Variants in ARHGEF38 observed in about 807,000 individuals in gnomAD.
ARHGEF38 encodes Rho guanine nucleotide exchange factor 38.
In ARHGEF38, 79 loss-of-function variants were observed where a neutral mutation model predicts 79.9. That is an observed-to-expected ratio of 0.99 (90% confidence interval 0.82 to 1.19). ARHGEF38 has a LOEUF of 1.19. Ranked by LOEUF, ARHGEF38 falls within the 50% of genes most tolerant of loss-of-function variation. The pLI, the probability that ARHGEF38 is intolerant of heterozygous loss-of-function variation, is 0.00. For missense variants in ARHGEF38, 962 were observed against 907.2 expected (o/e 1.06, Z -0.78); for synonymous variants, 366 against 328.3 (o/e 1.11, Z -1.24).
At chr4:105,622,613 C>T (rs1281056275) in intron 3 of ARHGEF38, among the ~76,000 whole-genome samples, 1 of 152,156 alleles carries the variant, frequency 6.6e-6, no homozygotes, top group Non-Finnish European at 1.5e-5. Flanking sequence ...TTTCTCACGT[C>T]ACAAGAAATC....
chr4:105,609,737 T>A (rs878911505), intron 2 of ARHGEF38, among the ~76,000 whole-genome samples: 3 of 152,106 alleles, frequency 2.0e-5, no homozygotes, highest in Non-Finnish European at 4.4e-5. Context: ...GGGAACTGGC[T>A]ATTTGAAGTA....
chr4:105,592,710 C>A (rs1005196389), intron 2 of ARHGEF38, among the ~76,000 whole-genome samples: 3 of 152,160 alleles, frequency 2.0e-5, no homozygotes, highest in Non-Finnish European at 4.4e-5. Flanking sequence ...CTCTCACATT[C>A]TTTTCCTCAC....
intron 8 of ARHGEF38, 65 bp from the exon 9 acceptor site, chr4:105,655,538 T>C: frequency 6.7e-7 from 1 of 1,487,374 alleles, no homozygotes; most frequent in Non-Finnish European, 8.9e-7. Flanking sequence ...AGTCCACATT[T>C]GGGATATGTT....
chr4:105,668,696 A>AGAT (rs1228291510), intron 13 of ARHGEF38, among the ~76,000 whole-genome samples: 2 of 151,306 alleles, frequency 1.3e-5, no homozygotes, highest in Non-Finnish European at 2.9e-5. Flanking sequence ...ATAGATAGAT[A>AGAT]GATAGATAGA....
intron 3 of ARHGEF38, among the ~76,000 whole-genome samples, chr4:105,629,699 G>A (rs1450207948): frequency 6.6e-6 from 1 of 151,862 alleles, no homozygotes; most frequent in Non-Finnish European, 1.5e-5. Flanking sequence ...TTATCTTTAA[G>A]TAATGAAGTG....
chr4:105,661,245 G>C (rs552317243), intron 10 of ARHGEF38, among the ~76,000 whole-genome samples: 1 of 152,132 alleles, frequency 6.6e-6, no homozygotes, highest in East Asian at 1.9e-4. Flanking sequence ...GGGCATTTGG[G>C]TTATTTCCAT....
At chr4:105,598,665 T>G (rs542671501) in intron 2 of ARHGEF38, among the ~76,000 whole-genome samples, 4 of 152,052 alleles carry the variant, frequency 2.6e-5, no homozygotes, top group African/African-American at 9.7e-5. Flanking sequence ...ATGACCAGGT[T>G]AGAACTCCAT....
At chr4:105,580,994 T>G (rs1412066862) in intron 1 of ARHGEF38, among the ~76,000 whole-genome samples, 1 of 151,972 alleles carries the variant, frequency 6.6e-6, no homozygotes, top group East Asian at 1.9e-4. Context: ...TGTTTTTTGG[T>G]GGAGAGTTCT....
intron 3 of ARHGEF38, among the ~76,000 whole-genome samples, chr4:105,619,542 A>T (rs1328241429): frequency 6.6e-6 from 1 of 152,158 alleles, no homozygotes; most frequent in Admixed American, 6.5e-5. Context: ...ATACAGATTA[A>T]CAGGTGAGAG....
intron 7 of ARHGEF38, among the ~76,000 whole-genome samples, chr4:105,652,830 G>T (rs934549986): frequency 1.3e-5 from 2 of 152,156 alleles, no homozygotes; most frequent in East Asian, 3.8e-4. Context: ...AAAGAACTCT[G>T]CTGCCTATTT....
intron 3 of ARHGEF38, among the ~76,000 whole-genome samples, chr4:105,619,126 GGCC>G (rs1728633556): frequency 6.6e-6 from 1 of 151,906 alleles, no homozygotes; most frequent in Non-Finnish European, 1.5e-5. Context: ...AAGACAATGG[GGCC>G]ATATTTGAAA....
At chr4:105,616,843 T>C (rs558655094) in intron 3 of ARHGEF38, among the ~76,000 whole-genome samples, 17 of 152,322 alleles carry the variant, frequency 1.1e-4, no homozygotes, top group Non-Finnish European at 1.9e-4. Context: ...AAGACTGTGC[T>C]CTAAGCAAGT....
chr4:105,665,934 C>T (rs1730733292), intron 10 of ARHGEF38, among the ~76,000 whole-genome samples: 2 of 152,096 alleles, frequency 1.3e-5, no homozygotes, highest in South Asian at 4.1e-4. Flanking sequence ...GACTTCATTG[C>T]TATTTTTTCT....
intron 10 of ARHGEF38, among the ~76,000 whole-genome samples, chr4:105,663,021 T>A (rs7680134): frequency 0.39 from 58,794 of 152,050 alleles, 16,604 homozygotes; most frequent in African/African-American, 0.8. Flanking sequence ...TTTTATATGT[T>A]CTGTATATTT....
Position 105,648,641 on chromosome 4 carries a change from G to T in ARHGEF38, c.967G>T (p.Val323Leu), listed in dbSNP as rs924857329. 6 of 1,532,996 alleles carry T rather than the reference G, an allele frequency of 3.9e-6. No individual in the cohort carries two copies. The South Asian group carries it at 7.2e-5, about 18-fold the overall frequency. The allele number at this position is 1,532,996 out of a possible 1,614,324, so 95.0% of individuals were successfully genotyped here. Reference protein sequence around the residue: ...IHSISKKSKRVTNHLKILTRG... With the variant: ...IHSISKKSKRLTNHLKILTRG... Reference sequence around the variant, plus strand: ...TTCAATTAGCAAGAAATCAAAAAGAGTGACAAATCATCTGAAGATTCTGAC... The same window carrying T: ...TTCAATTAGCAAGAAATCAAAAAGATTGACAAATCATCTGAAGATTCTGAC... The change falls in exon 7 of 14, where the codon GTG becomes TTG. Residue 323 changes from valine (V) to leucine (L), a missense_variant. By Grantham distance (32) the Val-to-Leu change is conservative. Coordinates refer to ENST00000420470, the MANE Select transcript of ARHGEF38 (RefSeq NM_001242729.2).
intron 1 of ARHGEF38, among the ~76,000 whole-genome samples, chr4:105,584,923 C>T (rs1028701756): frequency 2.6e-5 from 4 of 152,090 alleles, no homozygotes; most frequent in African/African-American, 9.7e-5. Context: ...TCTAAGAGAT[C>T]GAGGTTCTCC....
In ARHGEF38 at chr4:105,648,719, G is replaced by A. The variant is rs368457064; in HGVS notation, c.1008+37G>A. ...TCTTGGACCACCCACCTTTTCCCAG[G>A]GAACATGAATGCAGATATTTTTGTG... On this transcript the variant is annotated intron_variant, in intron 7 of 13. Transcript: ENST00000420470. 4.7e-6 allele frequency: 7 copies of A among 1,475,894 alleles called. No homozygotes were observed. In the African/African-American group the frequency reaches 7.1e-5, roughly 15 times the overall value. 91.4% of individuals were successfully genotyped at this position (1,475,894 alleles called of 1,614,324 possible). A position where few individuals can be genotyped will look rare whatever the true frequency, so the allele number is the denominator to read the frequency against.
intron 1 of ARHGEF38, among the ~76,000 whole-genome samples, chr4:105,584,014 A>T (rs1405406640): frequency 3.9e-5 from 6 of 152,168 alleles, no homozygotes; most frequent in African/African-American, 1.2e-4. Flanking sequence ...CTCTTGATTT[A>T]AAAATTGCCC....
intron 5 of ARHGEF38, among the ~76,000 whole-genome samples, chr4:105,637,650 G>A (rs771854762): frequency 2.0e-5 from 3 of 152,124 alleles, no homozygotes; most frequent in Non-Finnish European, 4.4e-5. Context: ...AGTGGTTAGA[G>A]AGGAACTTCA....
Sources: gnomAD v4.1 joint callset for allele counts (sites outside exome capture counted in the v4.1 genomes callset) on GRCh38, gnomAD v4.1.1 for gene constraint, MANE v1.5 for transcripts, NCBI Gene and HGNC (gene_info 2026-07-23, HGNC 2026-07-21) for gene names.